PARD3: variants seen among roughly 807,000 people sequenced by gnomAD.
PARD3 encodes partitioning defective 3 homolog.
PARD3 carries 75 observed loss-of-function variants against 155.4 expected under a neutral mutation model. That is an observed-to-expected ratio of 0.48 (90% CI 0.40 to 0.58). The LOEUF (loss-of-function observed/expected upper bound fraction) is 0.58. Ranked by LOEUF, PARD3 falls within the 20% of genes least tolerant of loss-of-function variation. PARD3 has a pLI of 0.00. For missense variants in PARD3, 1,642 were observed against 1,721.7 expected (o/e 0.95, Z 0.82); for synonymous variants, 576 against 610.5 (o/e 0.94, Z 0.83).
intron 3 of PARD3, among the ~76,000 whole-genome samples, chr10:34,488,135 T>C (rs1409061093): frequency 2.0e-5 from 3 of 152,292 alleles, no homozygotes; most frequent in Admixed American, 6.5e-5. Flanking sequence ...TTGAAGCTCC[T>C]GCACTTTACA....
At chr10:34,670,390 C>A (rs1355898216) in intron 2 of PARD3, among the ~76,000 whole-genome samples, 1 of 152,260 alleles carries the variant, frequency 6.6e-6, no homozygotes, top group Non-Finnish European at 1.5e-5. Context: ...GAGCACAGGG[C>A]ATATGCTCAA....
rs537675217 is a variant in PARD3 at position 34,135,234 on chromosome 10, T to G, written c.3420-3651A>C. 9.2e-5 allele frequency among the ~76,000 whole-genome samples: 14 copies of G among 152,340 alleles called. No homozygotes were observed. In the South Asian group the frequency reaches 2.9e-3, roughly 32 times the overall value. ...TGTATAAAACATCCACACAGACAGC[T>G]ATAAGACAGTTTTAGTCCAATACCA... is the stretch of plus-strand genomic sequence containing the variant. On this transcript the variant is annotated intron_variant, in intron 22 of 24. Transcript: ENST00000374788.
intron 20 of PARD3, among the ~76,000 whole-genome samples, chr10:34,309,547 CCAAAAAAAAAA>C (rs1564570083): frequency 2.1e-5 from 1 of 46,626 alleles, no homozygotes; most frequent in African/African-American, 8.4e-5. Flanking sequence ...GACCCTGTCT[CCAAAAAAAAAA>C]AAAAAAAAAA....
chr10:34,812,229 T>C (rs1844272939), intron 1 of PARD3, among the ~76,000 whole-genome samples: 1 of 152,208 alleles, frequency 6.6e-6, no homozygotes, highest in Non-Finnish European at 1.5e-5. Context: ...ATTTGAGAGT[T>C]GGGACCTTTC....
chr10:34,790,074 TTCTGGGTTAATTATTGATGAA>T (rs1226762163), intron 1 of PARD3, among the ~76,000 whole-genome samples: 1 of 152,202 alleles, frequency 6.6e-6, no homozygotes, highest in African/African-American at 2.4e-5. Context: ...ACTTGTCATG[TTCTGGGTTAATTATTGATGAA>T]TCTGGAAATT....
chr10:34,814,761 A>T, intron 1 of PARD3, 115 bp downstream of exon 1: 1 of 934,302 alleles, frequency 1.1e-6, no homozygotes. Context: ...GACCGGCCGC[A>T]CTTTCCCTTT....
At chr10:34,450,172 C>G (rs911920610) in intron 5 of PARD3, 145 bp downstream of exon 5, 1 of 680,202 alleles carries the variant, frequency 1.5e-6, no homozygotes, top group Non-Finnish European at 2.4e-6. Flanking sequence ...TAGATAAACT[C>G]TGACATAGAG....
chr10:34,618,961 C>T (rs879409786), intron 2 of PARD3, among the ~76,000 whole-genome samples: 1 of 152,074 alleles, frequency 6.6e-6, no homozygotes, highest in African/African-American at 2.4e-5. Flanking sequence ...GAGCACACCT[C>T]GTGATTCTTA....
chr10:34,156,372 C>T (rs1949005274), intron 22 of PARD3, among the ~76,000 whole-genome samples: 1 of 152,118 alleles, frequency 6.6e-6, no homozygotes, highest in Non-Finnish European at 1.5e-5. Flanking sequence ...GCTAGAATTA[C>T]AGGTGTGAGT....
chr10:34,606,628 C>T, intron 2 of PARD3, among the ~76,000 whole-genome samples: 1 of 126,164 alleles, frequency 7.9e-6, no homozygotes, highest in Middle Eastern at 3.7e-3. Context: ...TAGTGAGACC[C>T]CCGTGTCTTC....
chr10:34,291,024 G>C (rs1191803464), intron 20 of PARD3, among the ~76,000 whole-genome samples: 1 of 152,104 alleles, frequency 6.6e-6, no homozygotes, highest in Non-Finnish European at 1.5e-5. Flanking sequence ...TTTGATCCAA[G>C]TTTCTCTGGG....
intron 19 of PARD3, among the ~76,000 whole-genome samples, chr10:34,330,716 AC>A (rs1714176910): frequency 6.6e-6 from 1 of 152,200 alleles, no homozygotes; most frequent in Admixed American, 6.5e-5. Context: ...TTAAAATATT[AC>A]TTTTTAAAAA....
chr10:34,374,725 G>T, intron 11 of PARD3, 149 bp downstream of exon 11: 2 of 756,374 alleles, frequency 2.6e-6, no homozygotes, highest in Non-Finnish European at 4.4e-6. Context: ...TTAGAGAAAA[G>T]AATGTTTGTA....
chr10:34,279,541 T>C (rs527464738), intron 21 of PARD3, among the ~76,000 whole-genome samples: 12 of 152,302 alleles, frequency 7.9e-5, no homozygotes, highest in African/African-American at 2.9e-4. Context: ...TAAAAGACAA[T>C]CTTTGCATGA....
At chr10:34,569,215 T>C (rs1448670905) in intron 2 of PARD3, among the ~76,000 whole-genome samples, 3 of 152,138 alleles carry the variant, frequency 2.0e-5, no homozygotes, top group South Asian at 4.1e-4. Context: ...GTGGAAATTG[T>C]AGAGAAACGC....
chr10:34,278,829 G>T (rs909103286), intron 21 of PARD3, among the ~76,000 whole-genome samples: 6 of 152,048 alleles, frequency 3.9e-5, no homozygotes, highest in African/African-American at 1.5e-4. Context: ...TTAATATATT[G>T]TGAAACAACA....
At chr10:34,697,942 C>T (rs1564521265) in intron 1 of PARD3, among the ~76,000 whole-genome samples, 1 of 151,934 alleles carries the variant, frequency 6.6e-6, no homozygotes, top group Non-Finnish European at 1.5e-5. Flanking sequence ...AGAATGAAGT[C>T]CCAAAACCAT....
intron 22 of PARD3, among the ~76,000 whole-genome samples, chr10:34,236,481 A>G (rs1018328167): frequency 1.3e-5 from 2 of 152,352 alleles, no homozygotes; most frequent in South Asian, 4.1e-4. Flanking sequence ...GATAATGAGT[A>G]TATGACAAAT....
At chr10:34,805,495 A>T (rs1843253249) in intron 1 of PARD3, among the ~76,000 whole-genome samples, 1 of 150,846 alleles carries the variant, frequency 6.6e-6, no homozygotes. Flanking sequence ...AAATGACTTA[A>T]ATTTATACCA....
Sources: allele counts gnomAD v4.1 joint callset (sites outside exome capture counted in the v4.1 genomes callset), GRCh38; gene constraint gnomAD v4.1.1; transcripts MANE v1.5; gene names NCBI Gene and HGNC (gene_info 2026-07-23, HGNC 2026-07-21).